TIMM8B: variants seen among roughly 807,000 people sequenced by gnomAD.
TIMM8B encodes the protein translocase of inner mitochondrial membrane 8 homolog B.
Under a neutral mutation model 8.5 loss-of-function variants are expected in TIMM8B, and 5 were observed. That is an observed-to-expected ratio of 0.59 (90% CI 0.31 to 1.24). TIMM8B has a LOEUF of 1.24. Among genes scored for constraint, TIMM8B ranks in the 50% most tolerant of loss-of-function variants. TIMM8B has a pLI of 0.07. For synonymous variants in TIMM8B, 44 were observed against 39.9 expected (o/e 1.10, Z -0.39); for missense variants, 104 against 109.2 (o/e 0.95, Z 0.21).
Position 112,085,143 on chromosome 11 carries a change from T to A in TIMM8B, c.*152A>T. The stretch of plus-strand genomic sequence containing the variant: ...TGAATTCCAAATAAATAAATTTCAC[T>A]CTTTGAACATTTCATCTTTTACTTT... On this transcript the variant is annotated 3_prime_UTR_variant, in exon 2 of 2. Coordinates refer to ENST00000504148, the MANE Select transcript of TIMM8B (RefSeq NM_012459.4). The A allele has an allele frequency of 3.8e-6, 2 of 526,066 alleles. No individual in the cohort carries two copies. Among genetic ancestry groups the A allele is most frequent in the Non-Finnish European group, 6.3e-6 (2 of 316,334 alleles). 32.6% of individuals were successfully genotyped at this position (526,066 alleles called of 1,614,324 possible).
At chr11:112,086,305 C>T (rs559852237) in intron 1 of TIMM8B, 22 of 524,198 alleles carry the variant, frequency 4.2e-5, no homozygotes, top group African/African-American at 1.7e-4. Flanking sequence ...TCTACGGGCA[C>T]GTGGCCTGCA....
intron 1 of TIMM8B, 61 bp from the exon 2 acceptor site, chr11:112,085,523 T>A: frequency 7.0e-7 from 1 of 1,419,866 alleles, no homozygotes; most frequent in Non-Finnish European, 9.6e-7. Flanking sequence ...TCTTGTTTAT[T>A]AACTTCTCAC....
At chr11:112,086,299 C>A (rs1375342370) in intron 1 of TIMM8B, 1 of 515,628 alleles carries the variant, frequency 1.9e-6, no homozygotes, top group Non-Finnish European at 3.7e-6. Context: ...ATCTTTTCTA[C>A]GGGCACGTGG....
At chr11:112,085,521 A>T in intron 1 of TIMM8B, 59 bp from the exon 2 acceptor site, 1 of 1,429,438 alleles carries the variant, frequency 7.0e-7, no homozygotes, top group Non-Finnish European at 9.5e-7. Flanking sequence ...ACTCTTGTTT[A>T]TTAACTTCTC....
intron 1 of TIMM8B, 105 bp from the exon 2 acceptor site, chr11:112,085,567 A>C (rs7127061): frequency 2.2e-6 from 2 of 929,234 alleles, no homozygotes; most frequent in Middle Eastern, 3.1e-4. Context: ...TCTTTAAATC[A>C]ACCACGGAGT....
In TIMM8B at chr11:112,085,454, G is replaced by A. The variant is rs1418081724; in HGVS notation, c.93C>T (p.His31=). ...QKAQFTAQVH[H]FMELCWDKCV... ...ATTTATCCCAACATAACTCCATGAA[G>A]TGATGCACCTAAAAGGAAAGAAAAA... is the stretch of plus-strand genomic sequence containing the variant. The change falls in exon 2 of 2, where the codon CAC becomes CAT. Residue 31 remains histidine, a synonymous_variant. Coordinates refer to ENST00000504148, the MANE Select transcript of TIMM8B (RefSeq NM_012459.4). The A allele has an allele frequency of 6.2e-7, 1 of 1,613,270 alleles. No individual in the cohort carries two copies. The highest frequency in any genetic ancestry group is 1.1e-5 in the South Asian group (1 of 91,034).
chr11:112,086,696 C>T lies in TIMM8B; in HGVS notation c.28G>A (p.Ala10Thr). 6.2e-7 allele frequency: 1 copy of T among 1,602,998 alleles called. No homozygotes were observed. The highest frequency in any genetic ancestry group is 1.1e-5 in the South Asian group (1 of 90,050). The change falls in exon 1 of 2, where the codon GCG (alanine) becomes ACG (threonine). Residue 10 changes from alanine to threonine, a missense_variant. Coordinates refer to ENST00000504148, the MANE Select transcript of TIMM8B (RefSeq NM_012459.4). ...GCGGCCACCAGGCGCTGCAACTCCG[C>T]TTCATCGGCTTCGCCCAGCTCCGCC... is the stretch of plus-strand genomic sequence containing the variant. MAELGEADE[A>T]ELQRLVAAEQ... is the part of the protein sequence containing the mutation.
Position 112,085,217 on chromosome 11 carries a change from T to C in TIMM8B, c.*78A>G. ...AGCCTGATGCTGATCTGACAATGGG[T>C]TGATAGCCTTCCCCCACTGACCCTT... On this transcript the variant is annotated 3_prime_UTR_variant, in exon 2 of 2. Coordinates refer to ENST00000504148, the MANE Select transcript of TIMM8B (RefSeq NM_012459.4). 8.0e-7 allele frequency: 1 copy of C among 1,242,626 alleles called. No individual in the cohort carries two copies. Among genetic ancestry groups the C allele is most frequent in the Non-Finnish European group, 1.1e-6 (1 of 889,038 alleles). The allele number at this position is 1,242,626 out of a possible 1,614,324, so 77.0% of individuals were successfully genotyped here.
At chr11:112,086,012 C>T in intron 1 of TIMM8B, 3 of 1,154,552 alleles carry the variant, frequency 2.6e-6, no homozygotes, top group South Asian at 3.6e-5. Context: ...AATCAGTTCT[C>T]TCTAAGGTCC....
chr11:112,086,276 A>T, intron 1 of TIMM8B: 1 of 494,618 alleles, frequency 2.0e-6, no homozygotes, highest in Non-Finnish European at 3.9e-6. Flanking sequence ...ACCAAAACCC[A>T]CAGTGGATGA....
rs962762018 is a variant in TIMM8B at position 112,086,309 on chromosome 11, G to C, written c.84+331C>G. The C allele has an allele frequency of 9.4e-6, 5 of 530,858 alleles. No homozygotes were observed. The African/African-American group carries it at 9.5e-5, about 10-fold the overall frequency. 32.9% of individuals were successfully genotyped at this position (530,858 alleles called of 1,614,324 possible). A position where few individuals can be genotyped will look rare whatever the true frequency, so the allele number is the denominator to read the frequency against. Reference sequence around the variant, plus strand: ...TGAGTATCTTTTCTACGGGCACGTGGCCTGCAAGGAGCAGAGGGAGGATGA... The same window carrying C: ...TGAGTATCTTTTCTACGGGCACGTGCCCTGCAAGGAGCAGAGGGAGGATGA... On this transcript the variant is annotated intron_variant, in intron 1 of 1. Transcript: ENST00000504148.
intron 1 of TIMM8B, among the ~76,000 whole-genome samples, chr11:112,085,738 T>C (rs941627927): frequency 6.6e-6 from 1 of 151,942 alleles, no homozygotes; most frequent in African/African-American, 2.4e-5. Flanking sequence ...CAATTAATTT[T>C]CCCAAACTAT....
At position 112,086,687 on chromosome 11, in the gene TIMM8B, GCAACTCCGCTTCATCGGCTTCGCC is replaced by G. The variant is rs776642808; in HGVS notation, c.13_36del (p.Gly5_Leu12del). The stretch of plus-strand genomic sequence containing the variant: ...TGCTGCTCGGCGGCCACCAGGCGCT[GCAACTCCGCTTCATCGGCTTCGCC>G]CAGCTCCGCCATTGTTCGCCTCAGG... On this transcript the variant is annotated inframe_deletion, in exon 1 of 2. Coordinates refer to ENST00000504148, the MANE Select transcript of TIMM8B (RefSeq NM_012459.4). The G allele has an allele frequency of 4.4e-6, 7 of 1,603,562 alleles. No homozygotes were observed. Among genetic ancestry groups the G allele is most frequent in the Non-Finnish European group, 3.4e-6 (4 of 1,178,538 alleles).
chr11:112,086,279 G>A (rs928644207), intron 1 of TIMM8B: 33 of 497,102 alleles, frequency 6.6e-5, no homozygotes, highest in African/African-American at 6.2e-4. Flanking sequence ...AAAACCCACA[G>A]TGGATGAGTA....
chr11:112,086,437 C>T (rs555430846), intron 1 of TIMM8B: 19 of 856,982 alleles, frequency 2.2e-5, no homozygotes, highest in African/African-American at 3.3e-5. Context: ...CTTTTCTTTT[C>T]TCCACGCTAC....
chr11:112,086,381 T>C (rs1439379106), intron 1 of TIMM8B: 3 of 657,846 alleles, frequency 4.6e-6, no homozygotes, highest in South Asian at 3.0e-5. Flanking sequence ...GCCGGCTAAC[T>C]AGTCTCCCGT....
At chr11:112,086,580 T>G in intron 1 of TIMM8B, 60 bp downstream of exon 1, 1 of 1,500,550 alleles carries the variant, frequency 6.7e-7, no homozygotes, top group Non-Finnish European at 8.9e-7. Context: ...CCTCCGAGCG[T>G]GCCCAGGACC....
At chr11:112,085,890 A>C (rs1865585957) in intron 1 of TIMM8B, 2 of 541,574 alleles carry the variant, frequency 3.7e-6, no homozygotes, top group Non-Finnish European at 5.0e-6. Context: ...TTCAGGGCCC[A>C]AAGATTTCTA....
chr11:112,086,214 C>T (rs1220610560), intron 1 of TIMM8B: 1 of 513,200 alleles, frequency 1.9e-6, no homozygotes, highest in African/African-American at 2.0e-5. Context: ...TTTTCAAATA[C>T]ATTGTCGCAT....
Sources: gnomAD v4.1 joint callset for allele counts (sites outside exome capture counted in the v4.1 genomes callset) on GRCh38, gnomAD v4.1.1 for gene constraint, MANE v1.5 for transcripts, NCBI Gene and HGNC (gene_info 2026-07-23, HGNC 2026-07-21) for gene names.